ITGBL1: variants seen among roughly 807,000 people sequenced by gnomAD.
ITGBL1 encodes the protein integrin subunit beta like 1.
A neutral mutation model predicts 68.5 loss-of-function variants in ITGBL1; 51 were observed. The ratio of observed to expected loss-of-function variants is 0.74; its 90% CI spans 0.59 to 0.94. ITGBL1 has a LOEUF of 0.94. Ranked by LOEUF, ITGBL1 falls within the 40% of genes least tolerant of loss-of-function variation. The probability of loss-of-function intolerance (pLI) is 0.00; values close to 1 mark genes in which losing one functional copy is unlikely to be tolerated. For missense variants in ITGBL1, 649 were observed against 647.4 expected, an observed-to-expected ratio of 1.00 and a Z score of -0.03; for synonymous variants, 209 against 227.3, an observed-to-expected ratio of 0.92 and a Z score of 0.72.
chr13:101,679,630 T>C (rs2033593802), intron 7 of ITGBL1, among the ~76,000 whole-genome samples: 1 of 152,248 alleles, frequency 6.6e-6, no homozygotes, highest in African/African-American at 2.4e-5. Context: ...AGTTTCAGAA[T>C]TACTTTTGTA....
At position 101,715,680 on chromosome 13, in the gene ITGBL1, C is replaced by T. The variant is rs750324370; in HGVS notation, c.*26C>T. On this transcript the variant is annotated 3_prime_UTR_variant, in exon 11 of 11. Transcript: ENST00000376180. ...CAATTACATGAGAGAGGTCTGGATT[C>T]TTATTTTTTCTGGGCCATTAGAACA... 1 of 1,466,928 alleles carries T rather than the reference C, an allele frequency of 6.8e-7. No individual in the cohort carries two copies. Among genetic ancestry groups the T allele is most frequent in the Non-Finnish European group, 9.6e-7 (1 of 1,046,078 alleles). 90.9% of individuals were successfully genotyped at this position (1,466,928 alleles called of 1,614,324 possible).
chr13:101,615,459 A>T (rs1279914287), intron 7 of ITGBL1, among the ~76,000 whole-genome samples: 2 of 152,122 alleles, frequency 1.3e-5, no homozygotes, highest in Non-Finnish European at 2.9e-5. Flanking sequence ...TATCCACCAT[A>T]TACTACTTTA....
chr13:101,546,981 A>G (rs2049836381), intron 2 of ITGBL1, among the ~76,000 whole-genome samples: 1 of 152,024 alleles, frequency 6.6e-6, no homozygotes, highest in African/African-American at 2.4e-5. Flanking sequence ...GAAAAGAATA[A>G]TAAAACCAGA....
chr13:101,624,713 C>A (rs1470863237), intron 7 of ITGBL1, among the ~76,000 whole-genome samples: 1 of 152,114 alleles, frequency 6.6e-6, no homozygotes, highest in South Asian at 2.1e-4. Context: ...AATTCTGGTC[C>A]CTGCAACCAG....
intron 2 of ITGBL1, among the ~76,000 whole-genome samples, chr13:101,556,893 G>A (rs1021035381): frequency 6.6e-6 from 1 of 152,186 alleles, no homozygotes; most frequent in African/African-American, 2.4e-5. Context: ...GTTGTCTGGA[G>A]TTACTCAATT....
At chr13:101,651,546 G>T (rs369355012) in intron 7 of ITGBL1, among the ~76,000 whole-genome samples, 1 of 152,018 alleles carries the variant, frequency 6.6e-6, no homozygotes, top group South Asian at 2.1e-4. Context: ...ATTTGTTTAA[G>T]TTCCTTGTAG....
intron 2 of ITGBL1, among the ~76,000 whole-genome samples, chr13:101,514,186 T>G (rs1379131803): frequency 1.3e-5 from 2 of 152,108 alleles, no homozygotes. Flanking sequence ...TTGCATTGTA[T>G]GAAGAAGTGT....
chr13:101,650,620 C>G (rs201297762), intron 7 of ITGBL1, among the ~76,000 whole-genome samples: 3 of 137,414 alleles, frequency 2.2e-5, no homozygotes, highest in African/African-American at 8.1e-5. Flanking sequence ...TCTTTTTTTT[C>G]TTTTTTTTTT....
At chr13:101,572,848 GT>G (rs1348609767) in intron 3 of ITGBL1, among the ~76,000 whole-genome samples, 5 of 151,956 alleles carry the variant, frequency 3.3e-5, no homozygotes, top group Admixed American at 6.6e-5. Flanking sequence ...CTCATACACA[GT>G]CCTAACCAAG....
At chr13:101,557,373 A>T (rs1417694596) in intron 2 of ITGBL1, among the ~76,000 whole-genome samples, 2 of 152,222 alleles carry the variant, frequency 1.3e-5, no homozygotes. Context: ...GTGAATACAT[A>T]GACACACATA....
At chr13:101,570,085 C>G (rs1185687309) in intron 3 of ITGBL1, among the ~76,000 whole-genome samples, 1 of 152,140 alleles carries the variant, frequency 6.6e-6, no homozygotes, top group African/African-American at 2.4e-5. Context: ...AGTTGGCACT[C>G]AGTATTCCAC....
At chr13:101,639,471 T>C (rs1374860817) in intron 7 of ITGBL1, among the ~76,000 whole-genome samples, 2 of 152,146 alleles carry the variant, frequency 1.3e-5, no homozygotes, top group Non-Finnish European at 2.9e-5. Context: ...ATTATTTAAA[T>C]TACAGCTCAC....
intron 7 of ITGBL1, among the ~76,000 whole-genome samples, chr13:101,677,756 C>T (rs1358713746): frequency 2.0e-5 from 3 of 152,106 alleles, no homozygotes; most frequent in Non-Finnish European, 4.4e-5. Flanking sequence ...ATTAATCCTG[C>T]CTATGATGAA....
rs1210000989 is a variant in ITGBL1 at position 101,604,880 on chromosome 13, A to ATG, written c.1015+6582_1015+6583insGT. ...TATATATATATATATATATATATAT[A>ATG]TATATATACACACACACACACATAT... is the stretch of plus-strand genomic sequence containing the variant. On this transcript the variant is annotated intron_variant, in intron 7 of 10. Coordinates refer to ENST00000376180, the MANE Select transcript of ITGBL1 (RefSeq NM_004791.3). 1.3e-3 allele frequency among the ~76,000 whole-genome samples: 80 copies of ATG among 62,488 alleles called. 7 individuals carry two copies. Among genetic ancestry groups the ATG allele is most frequent in the South Asian group, 2.5e-3 (4 of 1,608 alleles). 41.0% of individuals were successfully genotyped at this position (62,488 alleles called of 152,430 possible). A position where few individuals can be genotyped will look rare whatever the true frequency, so the allele number is the denominator to read the frequency against.
intron 9 of ITGBL1, among the ~76,000 whole-genome samples, chr13:101,708,908 C>A (rs2034323987): frequency 6.6e-6 from 1 of 152,240 alleles, no homozygotes; most frequent in African/African-American, 2.4e-5. Flanking sequence ...CTAATTCAAT[C>A]TAATCTCAAG....
At chr13:101,605,089 T>G (rs1273583359) in intron 7 of ITGBL1, among the ~76,000 whole-genome samples, 1 of 146,354 alleles carries the variant, frequency 6.8e-6, no homozygotes. Context: ...TATGCGTATA[T>G]GTGTATATGT....
At chr13:101,628,065 A>ACCAGCAG (rs71125011) in intron 7 of ITGBL1, among the ~76,000 whole-genome samples, 12 of 152,198 alleles carry the variant, frequency 7.9e-5, no homozygotes, top group African/African-American at 2.7e-4. Flanking sequence ...CCCACCAGCA[A>ACCAGCAG]TGAATGAAAG....
intron 2 of ITGBL1, among the ~76,000 whole-genome samples, chr13:101,470,440 C>T (rs1005124095): frequency 6.6e-6 from 1 of 152,004 alleles, no homozygotes; most frequent in African/African-American, 2.4e-5. Context: ...AGTGATTCTC[C>T]TGCCTATGCA....
chr13:101,576,005 A>G (rs1007349733), intron 4 of ITGBL1, among the ~76,000 whole-genome samples: 1 of 152,156 alleles, frequency 6.6e-6, no homozygotes, highest in African/African-American at 2.4e-5. Flanking sequence ...AAACACTTAA[A>G]TAACATTTTC....
Sources: allele counts gnomAD v4.1 joint callset (sites outside exome capture counted in the v4.1 genomes callset), GRCh38; gene constraint gnomAD v4.1.1; transcripts MANE v1.5; gene names NCBI Gene and HGNC (gene_info 2026-07-23, HGNC 2026-07-21).